Variants in CTSF observed in about 807,000 individuals in gnomAD.
CTSF encodes the protein cathepsin F.
Under a neutral mutation model 63.5 loss-of-function variants are expected in CTSF, and 65 were observed. The observed-to-expected ratio is 1.02, with a 90% CI of 0.84 to 1.26. The LOEUF is 1.26. Ranked by LOEUF, CTSF falls within the 50% of genes most tolerant of loss-of-function variation. The pLI, the probability that CTSF is intolerant of heterozygous loss-of-function variation, is 0.00. For synonymous variants in CTSF, 256 were observed against 258.1 expected (o/e 0.99, Z 0.08); for missense variants, 641 against 631.0 (o/e 1.02, Z -0.17).
In CTSF at chr11:66,567,613, C is replaced by G. The variant is rs369135126; in HGVS notation, c.362G>C (p.Arg121Pro). ...LDELGRHVLLRKDCGPVDTKV... is the reference protein window; with the variant it reads ...LDELGRHVLLPKDCGPVDTKV... ...GGTGTCCACTGGGCCACAGTCCTTC[C>G]GCAGCAGCACGTGTCTTCCGAGCTC... The change falls in exon 3 of 13, where the codon CGG (arginine) becomes CCG (proline). Residue 121 changes from arginine to proline, a missense_variant. Arg to Pro is a moderately radical substitution (Grantham distance 103, BLOSUM62 -2). Transcript: ENST00000310325. 123 of 1,614,092 alleles carry G rather than the reference C, an allele frequency of 7.6e-5. No homozygotes were observed. The highest frequency in any genetic ancestry group is 1.8e-4 in the Admixed American group (11 of 60,008).
Position 66,568,029 on chromosome 11 carries a change from GCAGGGTGGCTCCTC to G in CTSF, c.253_266del (p.Glu85GlnfsTer24), listed in dbSNP as rs1857972826. ...GGAGCCGGCACACCATGGGGTCGTT[GCAGGGTGGCTCCTC>G]CAGGGTGGCCTCCAGGGAGTACAGC... On this transcript the variant is annotated frameshift_variant, in exon 2 of 13. Transcript: ENST00000310325. LOFTEE classifies it high-confidence loss of function. 1 of 1,603,152 alleles carries G rather than the reference GCAGGGTGGCTCCTC, an allele frequency of 6.2e-7. No individual in the cohort carries two copies. The highest frequency in any genetic ancestry group is 8.5e-7 in the Non-Finnish European group (1 of 1,175,914).
rs1857986280 is a variant in CTSF, at chr11:66,568,425, G to C, written c.62C>G (p.Pro21Arg). The change falls in exon 1 of 13, where the codon CCC becomes CGC. Residue 21 changes from proline (P) to arginine (R), a missense_variant. Physicochemically the swap from Pro to Arg is moderately radical, Grantham distance 103. Coordinates refer to ENST00000310325, the MANE Select transcript of CTSF (RefSeq NM_003793.4). ...LGLLPGAVAAPAQPRAASFQA... is the reference protein window; with the variant it reads ...LGLLPGAVAARAQPRAASFQA... ...AAAGCTGGCGGCTCGGGGCTGGGCG[G>C]GGGCGGCCACTGCGCCCGGGAGCAG... 7.3e-7 allele frequency: 1 copy of C among 1,366,406 alleles called. No individual in the cohort carries two copies. The highest frequency in any genetic ancestry group is 1.5e-5 in the African/African-American group (1 of 65,344). 84.6% of individuals were successfully genotyped at this position (1,366,406 alleles called of 1,614,324 possible).
rs1590817677 is a variant in CTSF, at chr11:66,568,524, C to A, written c.-38G>T. On this transcript the variant is annotated 5_prime_UTR_variant, in exon 1 of 13. Transcript: ENST00000310325. ...GCCGGCGGCCCGGACCCAACAGACGCTCCACCGACCCACCGGGTACCGAGC... is the reference window on the plus strand; with the variant it reads ...GCCGGCGGCCCGGACCCAACAGACGATCCACCGACCCACCGGGTACCGAGC... The A allele has an allele frequency of 6.8e-7, 1 of 1,481,340 alleles. No individual in the cohort carries two copies. Among genetic ancestry groups the A allele is most frequent in the Non-Finnish European group, 8.9e-7 (1 of 1,122,978 alleles). 91.8% of individuals were successfully genotyped at this position (1,481,340 alleles called of 1,614,324 possible). A position where few individuals can be genotyped will look rare whatever the true frequency, so the allele number is the denominator to read the frequency against.
chr11:66,564,580 C>T lies in CTSF; in HGVS notation c.1299G>A (p.Val433=), dbSNP rs1857883720. 1 of 1,579,360 alleles carries T rather than the reference C, an allele frequency of 6.3e-7. No homozygotes were observed. Among genetic ancestry groups the T allele is most frequent in the Admixed American group, 1.9e-5 (1 of 53,892 alleles). Residue 433 remains valine, a synonymous_variant, in exon 11 of 13, where the codon GTG becomes GTA. Coordinates refer to ENST00000310325, the MANE Select transcript of CTSF (RefSeq NM_003793.4). ...LCSPWLIDHA[V]LLVGYGNRSD... ...CACGGTTGCCGTAGCCCACAAGCAA[C>T]ACCGCATGGTCAATGAGCCAAGGGC... is the stretch of plus-strand genomic sequence containing the variant.
chr11:66,563,504 G>T lies in CTSF; in HGVS notation c.*429C>A. ...CTCTTTATTGCTGTTAGAAAAGGGT[G>T]GTTACAAGTTTCCTGGACATGGAGA... On this transcript the variant is annotated 3_prime_UTR_variant, in exon 13 of 13. Coordinates refer to ENST00000310325, the MANE Select transcript of CTSF (RefSeq NM_003793.4). The T allele has an allele frequency of 2.3e-6, 1 of 443,384 alleles. No homozygotes were observed. Among genetic ancestry groups the T allele is most frequent in the Non-Finnish European group, 4.0e-6 (1 of 249,114 alleles). The allele number at this position is 443,384 out of a possible 1,614,324, so 27.5% of individuals were successfully genotyped here.
At position 66,568,028 on chromosome 11, in the gene CTSF, TGCAGGGTG is replaced by T; in HGVS notation, c.260_267del (p.Pro87GlnfsTer24). The T allele has an allele frequency of 6.2e-7, 1 of 1,603,388 alleles. No individual in the cohort carries two copies. The highest frequency in any genetic ancestry group is 8.5e-7 in the Non-Finnish European group (1 of 1,175,976). On this transcript the variant is annotated frameshift_variant, in exon 2 of 13. Coordinates refer to ENST00000310325, the MANE Select transcript of CTSF (RefSeq NM_003793.4). LOFTEE classifies it high-confidence loss of function. ...GGGAGCCGGCACACCATGGGGTCGT[TGCAGGGTG>T]GCTCCTCCAGGGTGGCCTCCAGGGA... is the stretch of plus-strand genomic sequence containing the variant.
chr11:66,567,807 G>A, intron 2 of CTSF, 145 bp from the exon 3 acceptor site: 1 of 1,369,446 alleles, frequency 7.3e-7, no homozygotes, highest in Non-Finnish European at 9.8e-7. Flanking sequence ...GGCACGGCCT[G>A]CACCGGGGCA....
chr11:66,565,736 TC>T lies in CTSF; in HGVS notation c.979del (p.Asp327ThrfsTer19). 3 of 1,613,894 alleles carry T rather than the reference TC, an allele frequency of 1.9e-6. No individual in the cohort carries two copies. Among genetic ancestry groups the T allele is most frequent in the Non-Finnish European group, 2.5e-6 (3 of 1,180,042 alleles). On this transcript the variant is annotated frameshift_variant, in exon 8 of 13. Coordinates refer to ENST00000310325, the MANE Select transcript of CTSF (RefSeq NM_003793.4). LOFTEE classifies it high-confidence loss of function. ...SLSEQELLDCDKMDKACMGGL... is the reference protein window; with the variant it reads ...SLSEQELLDCXKMDKACMGGL... ...GCCCATGCAGGCCTTGTCCATCTTG[TC>T]ACAGTCCAAGAGCTCTAGGAGACAG... is the stretch of plus-strand genomic sequence containing the variant.
rs1218493494 is a variant in CTSF at position 66,566,288 on chromosome 11, T to C, written c.721+3A>G. 15 of 1,614,188 alleles carry C rather than the reference T, an allele frequency of 9.3e-6. No homozygotes were observed. The highest frequency in any genetic ancestry group is 2.2e-5 in the South Asian group (2 of 91,078). ...CCATGAGGACTGTGGCCACTATCCC[T>C]ACCTGTGAGATCACTGAACTTGGTG... On this transcript the variant is annotated splice_donor_region_variant and intron_variant, in intron 5 of 12. Transcript: ENST00000310325.
intron 4 of CTSF, 152 bp downstream of exon 4, chr11:66,567,094 A>G: frequency 1.3e-6 from 1 of 763,578 alleles, no homozygotes; most frequent in Non-Finnish European, 2.2e-6. Context: ...GGTGGCTGCC[A>G]GGCTGGGAAG....
intron 6 of CTSF, 25 bp downstream of exon 6, chr11:66,565,997 C>T: frequency 1.2e-6 from 2 of 1,614,062 alleles, no homozygotes; most frequent in Middle Eastern, 1.6e-4. Context: ...TGCCCATGTC[C>T]CACCCTCACT....
In CTSF at chr11:66,567,632, C is replaced by T. The variant is rs765918622; in HGVS notation, c.343G>A (p.Gly115Arg). 28 of 1,613,952 alleles carry T rather than the reference C, an allele frequency of 1.7e-5. No individual in the cohort carries two copies. The highest frequency in any genetic ancestry group is 2.4e-5 in the Non-Finnish European group (28 of 1,180,006). ...LCSFQVLDEL[G>R]RHVLLRKDCG... ...TCCTTCCGCAGCAGCACGTGTCTTC[C>T]GAGCTCATCCAGGACTTGGAAGCTG... The change falls in exon 3 of 13, where the codon GGA becomes AGA. Residue 115 changes from glycine (G) to arginine (R), a missense_variant. By Grantham distance (125) the Gly-to-Arg change is moderately radical (BLOSUM62 -2). Coordinates refer to ENST00000310325, the MANE Select transcript of CTSF (RefSeq NM_003793.4).
At position 66,568,508 on chromosome 11, in the gene CTSF, C is replaced by T; in HGVS notation, c.-22G>A. On this transcript the variant is annotated 5_prime_UTR_variant, in exon 1 of 13. Coordinates refer to ENST00000310325, the MANE Select transcript of CTSF (RefSeq NM_003793.4). ...CCATGGCGAGGGCGAAGCCGGCGGCCCGGACCCAACAGACGCTCCACCGAC... is the reference window on the plus strand; with the variant it reads ...CCATGGCGAGGGCGAAGCCGGCGGCTCGGACCCAACAGACGCTCCACCGAC... The T allele has an allele frequency of 6.7e-7, 1 of 1,483,020 alleles. No homozygotes were observed. Among genetic ancestry groups the T allele is most frequent in the Non-Finnish European group, 8.9e-7 (1 of 1,123,982 alleles). The allele number at this position is 1,483,020 out of a possible 1,614,324, so 91.9% of individuals were successfully genotyped here.
chr11:66,564,558 G>T lies in CTSF; in HGVS notation c.1321C>A (p.Arg441Ser). The T allele has an allele frequency of 6.4e-7, 1 of 1,553,024 alleles. No individual in the cohort carries two copies. Among genetic ancestry groups the T allele is most frequent in the Non-Finnish European group, 8.7e-7 (1 of 1,148,456 alleles). Residue 441 changes from arginine (R) to serine (S), a missense_variant and splice_region_variant, in exon 11 of 13, where the codon CGC becomes AGC. Arg to Ser is a moderately radical substitution (Grantham distance 110). Coordinates refer to ENST00000310325, the MANE Select transcript of CTSF (RefSeq NM_003793.4). ...HAVLLVGYGN[R>S]SDVPFWAIKN... is the part of the protein sequence containing the mutation. ...ATGCAGGACAGGCAGCGGAACTCAC[G>T]GTTGCCGTAGCCCACAAGCAACACC...
intron 11 of CTSF, 83 bp downstream of exon 11, chr11:66,564,474 AT>A: frequency 8.0e-7 from 1 of 1,247,270 alleles, no homozygotes; most frequent in Non-Finnish European, 1.1e-6. Flanking sequence ...CATTCCCCCT[AT>A]TTCCCCTCTA....
Position 66,564,938 on chromosome 11 carries a change from T to C in CTSF, c.1114A>G (p.Lys372Glu). 6.2e-7 allele frequency: 1 copy of C among 1,604,156 alleles called. No homozygotes were observed. The highest frequency in any genetic ancestry group is 8.5e-7 in the Non-Finnish European group (1 of 1,172,746). Reference protein sequence around the residue: ...HMQSCNFSAEKAKVYINDSVE... With the variant: ...HMQSCNFSAEEAKVYINDSVE... Reference sequence around the variant, plus strand: ...GAGTCATTGATGTAGACCTTGGCCTTCTCTGCTGAGAAGTTGCAGGACTGC... The same window carrying C: ...GAGTCATTGATGTAGACCTTGGCCTCCTCTGCTGAGAAGTTGCAGGACTGC... The change falls in exon 9 of 13, where the codon AAG (lysine) becomes GAG (glutamate). Residue 372 changes from lysine (K) to glutamate (E), a missense_variant. Transcript: ENST00000310325.
chr11:66,564,669 G>C, intron 10 of CTSF, 21 bp from the exon 11 acceptor site: 2 of 1,612,950 alleles, frequency 1.2e-6, no homozygotes, highest in Non-Finnish European at 1.7e-6. Context: ...AGAAGGAGTA[G>C]GGGATCGACT....
In CTSF at chr11:66,568,511, G is replaced by T. The variant is rs1857988414; in HGVS notation, c.-25C>A. ...TGGCGAGGGCGAAGCCGGCGGCCCGGACCCAACAGACGCTCCACCGACCCA... is the reference window on the plus strand; with the variant it reads ...TGGCGAGGGCGAAGCCGGCGGCCCGTACCCAACAGACGCTCCACCGACCCA... On this transcript the variant is annotated 5_prime_UTR_variant, in exon 1 of 13. Coordinates refer to ENST00000310325, the MANE Select transcript of CTSF (RefSeq NM_003793.4). 6.7e-7 allele frequency: 1 copy of T among 1,483,302 alleles called. No homozygotes were observed. Among genetic ancestry groups the T allele is most frequent in the East Asian group, 3.0e-5 (1 of 33,772 alleles). 91.9% of individuals were successfully genotyped at this position (1,483,302 alleles called of 1,614,324 possible).
At position 66,568,513 on chromosome 11, in the gene CTSF, C is replaced by T. The variant is rs1857988493; in HGVS notation, c.-27G>A. 1 of 1,483,000 alleles carries T rather than the reference C, an allele frequency of 6.7e-7. No homozygotes were observed. Among genetic ancestry groups the T allele is most frequent in the African/African-American group, 1.5e-5 (1 of 68,238 alleles). 91.9% of individuals were successfully genotyped at this position (1,483,000 alleles called of 1,614,324 possible). A position where few individuals can be genotyped will look rare whatever the true frequency, so the allele number is the denominator to read the frequency against. On this transcript the variant is annotated 5_prime_UTR_variant, in exon 1 of 13. Coordinates refer to ENST00000310325, the MANE Select transcript of CTSF (RefSeq NM_003793.4). ...GCGAGGGCGAAGCCGGCGGCCCGGACCCAACAGACGCTCCACCGACCCACC... is the reference window on the plus strand; with the variant it reads ...GCGAGGGCGAAGCCGGCGGCCCGGATCCAACAGACGCTCCACCGACCCACC...
Sources: allele counts gnomAD v4.1 joint callset, GRCh38; gene constraint gnomAD v4.1.1; transcripts MANE v1.5; gene names NCBI Gene and HGNC (gene_info 2026-07-23, HGNC 2026-07-21).